The following ARNT2 variants were observed in gnomAD, a reference collection of about 807,000 sequenced individuals.
ARNT2 encodes aryl hydrocarbon receptor nuclear translocator 2.
A neutral mutation model predicts 91.7 loss-of-function variants in ARNT2; 36 were observed. The observed-to-expected ratio is 0.39, with a 90% CI of 0.30 to 0.52. ARNT2 has a LOEUF of 0.52. Ranked by LOEUF, ARNT2 falls within the 20% of genes least tolerant of loss-of-function variation. The pLI is 0.72. For missense variants in ARNT2, 775 were observed against 939.3 expected (o/e 0.83, Z 2.29); for synonymous variants, 365 against 347.1 (o/e 1.05, Z -0.57).
chr15:80,448,811 A>C (rs1455218128), intron 1 of ARNT2, among the ~76,000 whole-genome samples: 2 of 152,102 alleles, frequency 1.3e-5, no homozygotes, highest in Non-Finnish European at 2.9e-5. Context: ...GTGAAACCCC[A>C]TCTCTACTAA....
rs766615657 is a variant in ARNT2 at position 80,574,990 on chromosome 15, C to G, written c.1393C>G (p.Pro465Ala). Residue 465 changes from proline to alanine, a missense_variant, in exon 14 of 19, where the codon CCC becomes GCC. By Grantham distance (27) the Pro-to-Ala change is conservative. Transcript: ENST00000303329. ...GTTTTATTTAATGTGCAAATAGGTC[C>G]CCGTCCCCAACCTACCAGCCGGTGT... ...GLSSYDLSQV[P>A]VPNLPAGVHE... The G allele has an allele frequency of 6.8e-6, 11 of 1,613,776 alleles. No homozygotes were observed. The highest frequency in any genetic ancestry group is 9.3e-6 in the Non-Finnish European group (11 of 1,179,836).
At chr15:80,574,495 C>T (rs1361932459) in intron 13 of ARNT2, among the ~76,000 whole-genome samples, 1 of 152,204 alleles carries the variant, frequency 6.6e-6, no homozygotes. Context: ...CATGCGTGAA[C>T]TGTAGTATGA....
chr15:80,591,722 C>G lies in ARNT2; in HGVS notation c.2055+18C>G, dbSNP rs557855973. The G allele has an allele frequency of 6.2e-7, 1 of 1,613,478 alleles. No homozygotes were observed. Among genetic ancestry groups the G allele is most frequent in the Non-Finnish European group, 8.5e-7 (1 of 1,179,630 alleles). On this transcript the variant is annotated intron_variant, in intron 18 of 18. Coordinates refer to ENST00000303329, the MANE Select transcript of ARNT2 (RefSeq NM_014862.4). This position sits in a 1 kb window ranked among gnomAD's most constrained non-coding sequence, Gnocchi z 5.1. Reference sequence around the variant, plus strand: ...TGTTCCAGGTAAATCGAGCGAGCACCGCCTTCTCGTAGGTACCGGCGCCTT... The same window carrying G: ...TGTTCCAGGTAAATCGAGCGAGCACGGCCTTCTCGTAGGTACCGGCGCCTT...
chr15:80,502,132 C>T (rs1056583307), intron 5 of ARNT2, among the ~76,000 whole-genome samples: 7 of 152,144 alleles, frequency 4.6e-5, no homozygotes, highest in Admixed American at 3.9e-4. Flanking sequence ...GATAGGACAT[C>T]AAGAATTCTG....
At chr15:80,562,972 C>T in intron 11 of ARNT2, 116 bp from the exon 12 acceptor site, 1 of 1,118,606 alleles carries the variant, frequency 8.9e-7, no homozygotes, top group Non-Finnish European at 1.3e-6. Context: ...GCCACAATGC[C>T]CCTATTCTGA....
intron 2 of ARNT2, among the ~76,000 whole-genome samples, chr15:80,451,394 T>C (rs1896387826): frequency 6.6e-6 from 1 of 152,242 alleles, no homozygotes; most frequent in Non-Finnish European, 1.5e-5. Context: ...CCTTCAGAGA[T>C]GGTGTGCAGG....
intron 1 of ARNT2, among the ~76,000 whole-genome samples, chr15:80,437,342 AC>A (rs1896103453): frequency 6.6e-6 from 1 of 151,590 alleles, no homozygotes; most frequent in African/African-American, 2.4e-5. Context: ...CCAGAGTCTC[AC>A]CCACTCCATC....
chr15:80,525,447 TTCA>T (rs1344357414), intron 8 of ARNT2, among the ~76,000 whole-genome samples: 1 of 152,196 alleles, frequency 6.6e-6, no homozygotes, highest in African/African-American at 2.4e-5. Context: ...GCATGCTTTG[TTCA>T]TCATCTCATT....
chr15:80,492,762 C>A (rs1175196360), intron 5 of ARNT2, among the ~76,000 whole-genome samples: 2 of 152,038 alleles, frequency 1.3e-5, no homozygotes, highest in African/African-American at 4.8e-5. Context: ...TTCATTGATT[C>A]AGTTTTTAGC....
chr15:80,422,864 T>G (rs1363577454), intron 1 of ARNT2, among the ~76,000 whole-genome samples: 3 of 152,210 alleles, frequency 2.0e-5, no homozygotes, highest in Non-Finnish European at 4.4e-5. Context: ...GAGAAGAGTC[T>G]GGATTTACAT....
intron 14 of ARNT2, among the ~76,000 whole-genome samples, chr15:80,576,569 G>C (rs986063622): frequency 6.6e-6 from 1 of 152,310 alleles, no homozygotes; most frequent in Middle Eastern, 3.4e-3. Context: ...AAGCCACCAT[G>C]CCTAGCCTCA....
intron 1 of ARNT2, among the ~76,000 whole-genome samples, chr15:80,420,251 G>A (rs559923039): frequency 1.3e-4 from 20 of 151,974 alleles, no homozygotes; most frequent in Non-Finnish European, 2.1e-4. Context: ...CTTTATGATG[G>A]TTACAAAGTG....
chr15:80,464,991 G>A (rs1370290306), intron 3 of ARNT2, among the ~76,000 whole-genome samples: 2 of 152,148 alleles, frequency 1.3e-5, no homozygotes, highest in East Asian at 3.9e-4. Flanking sequence ...CTATGCAAAG[G>A]GTCTCTTCCT....
chr15:80,575,407 G>C (rs1898656646), intron 14 of ARNT2, among the ~76,000 whole-genome samples: 1 of 152,104 alleles, frequency 6.6e-6, no homozygotes, highest in East Asian at 1.9e-4. Context: ...GAAGATTCTG[G>C]GGCACTGGGA....
At chr15:80,504,814 T>A (rs930434890) in intron 5 of ARNT2, among the ~76,000 whole-genome samples, 3 of 149,142 alleles carry the variant, frequency 2.0e-5, no homozygotes, top group African/African-American at 7.4e-5. Context: ...AGGGGATTGC[T>A]CAGGGAGGGG....
intron 1 of ARNT2, chr15:80,445,146 T>A (rs1896276361): frequency 6.7e-6 from 1 of 149,602 alleles, no homozygotes; most frequent in Admixed American, 6.7e-5. Context: ...TGTGTGTCAC[T>A]GGTGTGTATA....
At chr15:80,445,809 C>T (rs964213111) in intron 1 of ARNT2, among the ~76,000 whole-genome samples, 3 of 152,024 alleles carry the variant, frequency 2.0e-5, no homozygotes, top group African/African-American at 7.3e-5. Context: ...TGCAGCTCCT[C>T]CTTCTGTCTC....
At chr15:80,520,546 G>A (rs931582283) in intron 8 of ARNT2, among the ~76,000 whole-genome samples, 20 of 108,884 alleles carry the variant, frequency 1.8e-4, no homozygotes, top group South Asian at 1.1e-3. Flanking sequence ...ATCTCATGTT[G>A]TGTTCTTACC....
chr15:80,486,319 CA>C (rs1727692300), intron 5 of ARNT2, among the ~76,000 whole-genome samples: 1 of 152,088 alleles, frequency 6.6e-6, no homozygotes, highest in Non-Finnish European at 1.5e-5. Flanking sequence ...GAATTTTGGG[CA>C]GGGGGTGGTT....
Sources: gnomAD v4.1 joint callset for allele counts (sites outside exome capture counted in the v4.1 genomes callset) on GRCh38, gnomAD v4.1.1 for gene constraint, Gnocchi (gnomAD v3.1) non-coding constraint, MANE v1.5 for transcripts, NCBI Gene and HGNC (gene_info 2026-07-23, HGNC 2026-07-21) for gene names.